EHMT1: variants seen among roughly 807,000 people sequenced by gnomAD.
EHMT1 encodes the protein euchromatic histone lysine methyltransferase 1, also known as histone-lysine N-methyltransferase EHMT1.
In EHMT1, 15 loss-of-function variants were observed where a neutral mutation model predicts 147.2. The ratio of observed to expected loss-of-function variants is 0.10; its 90% CI spans 0.07 to 0.16. EHMT1 has a LOEUF of 0.16. Ranked by LOEUF, EHMT1 falls within the 10% of genes least tolerant of loss-of-function variation. The pLI is 1.00. For synonymous variants in EHMT1, 795 were observed against 709.6 expected (o/e 1.12, Z -1.91); for missense variants, 1,587 against 1,772.4 (o/e 0.90, Z 1.88).
At chr9:137,794,204 C>T (rs1214922117) in intron 16 of EHMT1, among the ~76,000 whole-genome samples, 3 of 152,062 alleles carry the variant, frequency 2.0e-5, no homozygotes, top group Non-Finnish European at 2.9e-5. Context: ...TATAATTTTA[C>T]CATTTTTAGT....
rs762992578 is a variant in EHMT1 at position 137,817,518 on chromosome 9, G to C, written c.3454G>C (p.Val1152Leu). Residue 1152 changes from valine (V) to leucine (L), a missense_variant, in exon 24 of 27, where the codon GTC becomes CTC. Physicochemically the swap from Val to Leu is conservative, Grantham distance 32. Around this residue, in one of 7 missense-constraint regions of EHMT1, gnomAD observed 156 missense variants for 252.5 expected, o/e 0.62. Transcript: ENST00000460843. ...GCAGGACATCCCACCAGGCACCTTT[G>C]TCTGCGAGTGAGTGAGTCCCTGGGT... ...SLQDIPPGTF[V>L]CEYVGELISD... 1 of 1,614,206 alleles carries C rather than the reference G, an allele frequency of 6.2e-7. No homozygotes were observed. The highest frequency in any genetic ancestry group is 1.1e-5 in the South Asian group (1 of 91,084).
intron 4 of EHMT1, among the ~76,000 whole-genome samples, chr9:137,729,798 A>G (rs993052382): frequency 7.9e-5 from 12 of 152,034 alleles, no homozygotes; most frequent in African/African-American, 2.7e-4. Flanking sequence ...GTTATTTCCT[A>G]AAATTACTGT....
chr9:137,766,931 G>C (rs182589640), intron 10 of EHMT1, among the ~76,000 whole-genome samples: 2 of 152,098 alleles, frequency 1.3e-5, no homozygotes, highest in East Asian at 3.9e-4. Context: ...GATTCTCCCA[G>C]CTGAGCCTCC....
intron 4 of EHMT1, among the ~76,000 whole-genome samples, chr9:137,742,569 C>A (rs1948195782): frequency 6.6e-6 from 1 of 152,072 alleles, no homozygotes; most frequent in South Asian, 2.1e-4. Context: ...GTCATGGAGT[C>A]TGATTATATA....
intron 16 of EHMT1, among the ~76,000 whole-genome samples, chr9:137,795,642 T>C (rs1952881484): frequency 1.3e-5 from 2 of 149,918 alleles, no homozygotes; most frequent in South Asian, 4.2e-4. Context: ...TGTTTGTTTG[T>C]TTTTAACCTC....
In EHMT1 at chr9:137,692,562, G is replaced by A. The variant is rs77297705; in HGVS notation, c.22-18405G>A. ...ATTACAGACGTGAGCCACCGAGCCCGGCCTCAGATGGTGTTTTTCCATCAA... is the reference window on the plus strand; with the variant it reads ...ATTACAGACGTGAGCCACCGAGCCCAGCCTCAGATGGTGTTTTTCCATCAA... On this transcript the variant is annotated intron_variant, in intron 1 of 26. Coordinates refer to ENST00000460843, the MANE Select transcript of EHMT1 (RefSeq NM_024757.5). Among the ~76,000 whole-genome samples, 466 of 152,018 alleles carry A rather than the reference G, an allele frequency of 3.1e-3. 1 individual carries two copies. The highest frequency in any genetic ancestry group is 7.2e-3 in the Admixed American group (110 of 15,270).
intron 16 of EHMT1, chr9:137,795,336 T>C (rs1238090382): frequency 1.3e-5 from 2 of 151,944 alleles, no homozygotes; most frequent in Non-Finnish European, 2.9e-5. Flanking sequence ...ACAGAGCCTA[T>C]CCTGGCAACT....
intron 1 of EHMT1, among the ~76,000 whole-genome samples, chr9:137,640,613 C>A (rs1024510336): frequency 1.3e-5 from 2 of 152,304 alleles, no homozygotes; most frequent in Admixed American, 6.5e-5. Flanking sequence ...CAAGTAGATA[C>A]ATGTTTTCTC....
rs185783278 is a variant in EHMT1 at position 137,635,688 on chromosome 9, C to T, written c.21+16639C>T. ...ACAAAAAATTAGTGGGACGTGGTGGCGGGCGCCTGTAGTTCCAGCTACTCG... is the reference window on the plus strand; with the variant it reads ...ACAAAAAATTAGTGGGACGTGGTGGTGGGCGCCTGTAGTTCCAGCTACTCG... On this transcript the variant is annotated intron_variant, in intron 1 of 26. Transcript: ENST00000460843. Among the ~76,000 whole-genome samples the T allele has an allele frequency of 3.9e-3, 587 of 150,838 alleles. 5 individuals are homozygous for T. Among genetic ancestry groups the T allele is most frequent in the African/African-American group, 0.013 (527 of 41,254 alleles).
intron 17 of EHMT1, 28 bp downstream of exon 17, chr9:137,798,942 A>T: frequency 6.4e-7 from 1 of 1,550,460 alleles, no homozygotes; most frequent in South Asian, 1.1e-5. Context: ...CCTTAGCAGT[A>T]CACTGTGTGG....
At chr9:137,647,043 CA>C (rs1051455030) in intron 1 of EHMT1, among the ~76,000 whole-genome samples, 3 of 151,640 alleles carry the variant, frequency 2.0e-5, no homozygotes, top group Non-Finnish European at 2.9e-5. Context: ...ATAATTCAAG[CA>C]AAAAAAACCT....
intron 4 of EHMT1, among the ~76,000 whole-genome samples, chr9:137,737,335 G>C (rs1293580775): frequency 1.3e-5 from 2 of 152,190 alleles, no homozygotes; most frequent in African/African-American, 4.8e-5. Context: ...CTAGAACAGA[G>C]AGCACAGAAA....
chr9:137,744,081 C>T lies in EHMT1; in HGVS notation c.1161C>T (p.Arg387=), dbSNP rs759417830. 2.1e-5 allele frequency: 34 copies of T among 1,613,924 alleles called. No individual in the cohort carries two copies. The highest frequency in any genetic ancestry group is 1.6e-4 in the Middle Eastern group (1 of 6,084). ...AGGAGAGCATGTCGGAGGCTGATCGCGCCCAGAAGGTATGTGTTGCTGTCT... is the reference window on the plus strand; with the variant it reads ...AGGAGAGCATGTCGGAGGCTGATCGTGCCCAGAAGGTATGTGTTGCTGTCT... The part of the protein sequence containing the change: ...TSKESMSEAD[R]AQKMDGESEE... Residue 387 remains arginine (R), a synonymous_variant, in exon 6 of 27, where the codon CGC becomes CGT. Transcript: ENST00000460843.
intron 1 of EHMT1, 43 bp downstream of exon 1, chr9:137,619,092 C>G: frequency 1.4e-6 from 1 of 709,986 alleles, no homozygotes; most frequent in Non-Finnish European, 1.7e-6. Context: ...GGGCGGCGGG[C>G]AGCGGCGGAG....
At chr9:137,816,831 G>A (rs1272624852) in intron 23 of EHMT1, 3 of 175,060 alleles carry the variant, frequency 1.7e-5, no homozygotes, top group East Asian at 1.5e-4. Context: ...CCAGACAGAC[G>A]CGAGGCAGAC....
In EHMT1 at chr9:137,732,096, C is replaced by T. The variant is rs532445293; in HGVS notation, c.823+3567C>T. Among the ~76,000 whole-genome samples the T allele has an allele frequency of 6.6e-6, 1 of 152,332 alleles. No individual in the cohort carries two copies. The highest frequency in any genetic ancestry group is 2.4e-5 in the African/African-American group (1 of 41,582). On this transcript the variant is annotated intron_variant, in intron 4 of 26. Coordinates refer to ENST00000460843, the MANE Select transcript of EHMT1 (RefSeq NM_024757.5). The surrounding 1 kb of genome is among the most constrained non-coding windows in gnomAD (Gnocchi z 4.6). ...GTGTTCCCAGCTCGTTCAGTTCTGC[C>T]GCTTTCGCCCTGGCCTGCAGCTCCC...
At chr9:137,817,683 C>T in intron 24 of EHMT1, 158 bp downstream of exon 24, 1 of 887,450 alleles carries the variant, frequency 1.1e-6, no homozygotes. Flanking sequence ...GAGAACCAAG[C>T]TCGTGCTGTC....
intron 22 of EHMT1, among the ~76,000 whole-genome samples, chr9:137,815,102 G>T (rs1037884000): frequency 2.6e-5 from 4 of 152,164 alleles, no homozygotes; most frequent in Non-Finnish European, 4.4e-5. Context: ...GGTCACGGTG[G>T]GGGCGGAAGC....
intron 4 of EHMT1, among the ~76,000 whole-genome samples, chr9:137,730,849 T>C (rs910225660): frequency 2.6e-5 from 4 of 152,212 alleles, no homozygotes; most frequent in Non-Finnish European, 5.9e-5. Flanking sequence ...GTTCTTTTCA[T>C]TGGAAGTTAG....
Sources: gnomAD v4.1 joint callset for allele counts (sites outside exome capture counted in the v4.1 genomes callset) on GRCh38, gnomAD v4.1.1 for gene constraint, gnomAD v4.1.1 regional missense constraint, Gnocchi (gnomAD v3.1) non-coding constraint, MANE v1.5 for transcripts, NCBI Gene and HGNC (gene_info 2026-07-23, HGNC 2026-07-21) for gene names.